The following PARD3B variants were observed in gnomAD, a reference collection of about 807,000 sequenced individuals.
The protein encoded by PARD3B is par-3 family cell polarity regulator beta.
A neutral mutation model predicts 130.2 loss-of-function variants in PARD3B; 103 were observed. The ratio of observed to expected loss-of-function variants is 0.79; its 90% CI spans 0.67 to 0.93. The LOEUF (loss-of-function observed/expected upper bound fraction) is 0.93. Ranked by LOEUF, PARD3B falls within the 40% of genes least tolerant of loss-of-function variation. The pLI, the probability that PARD3B is intolerant of heterozygous loss-of-function variation, is 0.00. For synonymous variants in PARD3B, 583 were observed against 553.2 expected, an observed-to-expected ratio of 1.05 and a Z score of -0.76; for missense variants, 1,609 against 1,499.2, an observed-to-expected ratio of 1.07 and a Z score of -1.21.
Position 204,673,043 on chromosome 2 carries a change from G to C in PARD3B, c.121-13138G>C, listed in dbSNP as rs2036380456. On this transcript the variant is annotated intron_variant, in intron 1 of 22. Transcript: ENST00000406610. The surrounding 1 kb of genome is among the most constrained non-coding windows in gnomAD (Gnocchi z 4.7). ...TATGTAATGAATTTCTCACAATCCA[G>C]TGAGGGTAGAGGATATTGTTCCCAT... 6.6e-6 allele frequency among the ~76,000 whole-genome samples: 1 copy of C among 152,220 alleles called. No individual in the cohort carries two copies. Among genetic ancestry groups the C allele is most frequent in the Admixed American group, 6.5e-5 (1 of 15,288 alleles).
Position 205,580,045 on chromosome 2 carries a change from G to T in PARD3B, c.3260+26642G>T, listed in dbSNP as rs139915386. Among the ~76,000 whole-genome samples the T allele has an allele frequency of 1.2e-4, 18 of 152,236 alleles. No homozygotes were observed. In the East Asian group the frequency reaches 2.9e-3, roughly 24 times the overall value. ...AACTTAAAGATGATACTTGCATAAA[G>T]AGATTTGTCCCTTGGATTATATCTC... On this transcript the variant is annotated intron_variant, in intron 22 of 22. Transcript: ENST00000406610.
chr2:204,947,399 C>T (rs1684606028), intron 2 of PARD3B, among the ~76,000 whole-genome samples: 1 of 141,206 alleles, frequency 7.1e-6, no homozygotes, highest in African/African-American at 3.2e-5. Flanking sequence ...GGCAGGAGTC[C>T]AGGAGTCTCA....
rs116202667 is a variant in PARD3B at position 204,644,456 on chromosome 2, A to G, written c.121-41725A>G. 3.4e-3 allele frequency among the ~76,000 whole-genome samples: 511 copies of G among 152,270 alleles called. 2 individuals are homozygous for G. The highest frequency in any genetic ancestry group is 0.012 in the African/African-American group (482 of 41,534). ...TCTTGGAAGTCTTTTTTATGTACCA[A>G]TATAGACTCTTTTATTAACATATTA... On this transcript the variant is annotated intron_variant, in intron 1 of 22. Transcript: ENST00000406610.
Position 205,292,103 on chromosome 2 carries a change from C to G in PARD3B, c.2186-8427C>G, listed in dbSNP as rs946934052. 6.6e-6 allele frequency among the ~76,000 whole-genome samples: 1 copy of G among 152,132 alleles called. No homozygotes were observed. The highest frequency in any genetic ancestry group is 1.5e-5 in the Non-Finnish European group (1 of 68,002). The stretch of plus-strand genomic sequence containing the variant: ...GTAGTGTCAAATTGCTTGGACACCC[C>G]AGGTAGAGCTCCAGTGGGACCCAGT... On this transcript the variant is annotated intron_variant, in intron 16 of 22. Coordinates refer to ENST00000406610, the MANE Select transcript of PARD3B (RefSeq NM_001302769.2). The surrounding 1 kb of genome is among the most constrained non-coding windows in gnomAD (Gnocchi z 5.3).
intron 2 of PARD3B, among the ~76,000 whole-genome samples, chr2:204,953,188 G>A (rs1314590358): frequency 6.6e-6 from 1 of 151,812 alleles, no homozygotes; most frequent in Admixed American, 6.6e-5. Context: ...TTGGGACTAT[G>A]CAGAGACAAC....
At position 205,557,863 on chromosome 2, in the gene PARD3B, G is replaced by A. The variant is rs78683494; in HGVS notation, c.3260+4460G>A. Among the ~76,000 whole-genome samples, 443 of 152,022 alleles carry A rather than the reference G, an allele frequency of 2.9e-3. 3 individuals are homozygous for A. The highest frequency in any genetic ancestry group is 9.9e-3 in the African/African-American group (411 of 41,446). ...CTTGAGCCACCAACTACCCTCTCTC[G>A]GCAGCATCTTTAATCCTTTTGGCGT... is the stretch of plus-strand genomic sequence containing the variant. On this transcript the variant is annotated intron_variant, in intron 22 of 22. Transcript: ENST00000406610.
At chr2:204,786,848 A>G (rs1363658920) in intron 2 of PARD3B, among the ~76,000 whole-genome samples, 1 of 151,908 alleles carries the variant, frequency 6.6e-6, no homozygotes, top group Non-Finnish European at 1.5e-5. Flanking sequence ...GAAAATCACA[A>G]GCATTTCGCT....
Position 205,585,183 on chromosome 2 carries a change from G to A in PARD3B, c.3261-30273G>A, listed in dbSNP as rs1367457876. Among the ~76,000 whole-genome samples the A allele has an allele frequency of 2.0e-5, 3 of 152,184 alleles. No homozygotes were observed. The highest frequency in any genetic ancestry group is 7.2e-5 in the African/African-American group (3 of 41,448). ...TCTTTTTTGTGGAATGCCTGCCTAG[G>A]TGTTTATGGCAAGAGGCATATTTGG... On this transcript the variant is annotated intron_variant, in intron 22 of 22. Coordinates refer to ENST00000406610, the MANE Select transcript of PARD3B (RefSeq NM_001302769.2). The surrounding 1 kb of genome is among the most constrained non-coding windows in gnomAD (Gnocchi z 5.4).
chr2:204,879,934 G>C (rs2045976854), intron 2 of PARD3B, among the ~76,000 whole-genome samples: 1 of 152,214 alleles, frequency 6.6e-6, no homozygotes, highest in South Asian at 2.1e-4. Context: ...GATTGAAATA[G>C]ACTCTAACTG....
chr2:205,374,595 A>G (rs2044963232), intron 18 of PARD3B, among the ~76,000 whole-genome samples: 1 of 152,140 alleles, frequency 6.6e-6, no homozygotes. Flanking sequence ...GCCTGGCTTT[A>G]TATAAATCTT....
chr2:204,647,918 A>G (rs2035330028), intron 1 of PARD3B, among the ~76,000 whole-genome samples: 1 of 151,638 alleles, frequency 6.6e-6, no homozygotes, highest in Non-Finnish European at 1.5e-5. Flanking sequence ...TAGAGTCTAC[A>G]CATTATTTTG....
At chr2:204,584,783 A>C (rs935142075) in intron 1 of PARD3B, among the ~76,000 whole-genome samples, 2 of 152,188 alleles carry the variant, frequency 1.3e-5, no homozygotes, top group East Asian at 3.9e-4. Context: ...ACCGGATTGA[A>C]TAAAGAAAGG....
At chr2:205,175,941 T>C (rs2035444781) in intron 12 of PARD3B, among the ~76,000 whole-genome samples, 1 of 152,122 alleles carries the variant, frequency 6.6e-6, no homozygotes. Flanking sequence ...GTCACAGCGG[T>C]TTGATTTAGC....
chr2:204,977,651 T>C (rs1026127369), intron 3 of PARD3B, among the ~76,000 whole-genome samples: 1 of 150,676 alleles, frequency 6.6e-6, no homozygotes, highest in Non-Finnish European at 1.5e-5. Context: ...CCGCTAAAAA[T>C]ACAAAAAAAA....
intron 4 of PARD3B, among the ~76,000 whole-genome samples, chr2:205,068,829 T>C (rs1007563226): frequency 5.9e-5 from 9 of 152,258 alleles, no homozygotes; most frequent in Admixed American, 1.3e-4. Context: ...TTTGAACATA[T>C]GACTCTGTAC....
intron 2 of PARD3B, among the ~76,000 whole-genome samples, chr2:204,705,270 A>G (rs1021537719): frequency 1.3e-5 from 2 of 152,188 alleles, no homozygotes; most frequent in Admixed American, 6.5e-5. Flanking sequence ...GTCTCCCTTC[A>G]TGAAGCCCAT....
intron 20 of PARD3B, among the ~76,000 whole-genome samples, chr2:205,451,357 C>CA (rs2048097680): frequency 6.6e-6 from 1 of 151,952 alleles, no homozygotes; most frequent in African/African-American, 2.4e-5. Context: ...ACTCTAGTGG[C>CA]AAAAAGGTGT....
Position 205,605,729 on chromosome 2 carries a change from C to T in PARD3B, c.3261-9727C>T, listed in dbSNP as rs563221623. Among the ~76,000 whole-genome samples the T allele has an allele frequency of 9.8e-5, 15 of 152,310 alleles. No homozygotes were observed. In the East Asian group the frequency reaches 1.2e-3, roughly 12 times the overall value. On this transcript the variant is annotated intron_variant, in intron 22 of 22. Transcript: ENST00000406610. ...GAGGGTCTCACCCAGTCAGGAGGCA[C>T]GGGAACTGGGACCTGCTTAATGAAG...
At chr2:205,090,308 T>C (rs1431010252) in intron 4 of PARD3B, among the ~76,000 whole-genome samples, 1 of 152,222 alleles carries the variant, frequency 6.6e-6, no homozygotes, top group African/African-American at 2.4e-5. Context: ...ATTTCCTCTT[T>C]TTCATTTGGG....
Sources: gnomAD v4.1 joint callset for allele counts (sites outside exome capture counted in the v4.1 genomes callset) on GRCh38, gnomAD v4.1.1 for gene constraint, Gnocchi (gnomAD v3.1) non-coding constraint, MANE v1.5 for transcripts, NCBI Gene and HGNC (gene_info 2026-07-23, HGNC 2026-07-21) for gene names.